Variants in WDPCP observed in about 807,000 individuals in gnomAD.
WDPCP encodes the protein WD repeat-containing and planar cell polarity effector protein fritz homolog.
Under a neutral mutation model 93.1 loss-of-function variants are expected in WDPCP, and 71 were observed. The ratio of observed to expected loss-of-function variants is 0.76; its 90% CI spans 0.63 to 0.93. The LOEUF (loss-of-function observed/expected upper bound fraction) is 0.93. WDPCP is among the 40% of genes least tolerant of loss of function. The pLI, the probability that WDPCP is intolerant of heterozygous loss-of-function variation, is 0.00. For synonymous variants in WDPCP, 315 were observed against 315.0 expected, an observed-to-expected ratio of 1.00 and a Z score of 0.00; for missense variants, 844 against 887.4, an observed-to-expected ratio of 0.95 and a Z score of 0.62.
Position 63,755,274 on chromosome 2 carries a change from C to T in WDPCP, n.308+58348G>A, listed in dbSNP as rs552079988. Among the ~76,000 whole-genome samples, 15 of 152,322 alleles carry T rather than the reference C, an allele frequency of 9.8e-5. No individual in the cohort carries two copies. In the South Asian group the frequency reaches 1.5e-3, roughly 15 times the overall value. On this transcript the variant is annotated intron_variant and non_coding_transcript_variant, in intron 2 of 4. Coordinates refer to the WDPCP transcript ENST00000467687. ...TGAGCCAAGAATCACTGACAGCCAT[C>T]TCAGAGGTGCGCTATCATCTTAGAG...
chr2:63,600,423 C>T (rs912884956), intron 3 of WDPCP, among the ~76,000 whole-genome samples: 6 of 152,178 alleles, frequency 3.9e-5, no homozygotes. Context: ...GACTCCAAAC[C>T]CTTATGTATG....
intron 2 of WDPCP, among the ~76,000 whole-genome samples, chr2:63,801,478 G>A (rs1030491076): frequency 6.6e-6 from 1 of 152,206 alleles, no homozygotes; most frequent in South Asian, 2.1e-4. Context: ...AGCTCCCACA[G>A]CATGGAAGGT....
intron 14 of WDPCP, among the ~76,000 whole-genome samples, chr2:63,233,861 G>A (rs1271945392): frequency 6.6e-6 from 1 of 152,096 alleles, no homozygotes; most frequent in East Asian, 1.9e-4. Context: ...GCCCAGCCCT[G>A]GAGCCTCTTG....
chr2:63,718,015 G>A, intron 2 of WDPCP: 1 of 152,244 alleles, frequency 6.6e-6, no homozygotes, highest in Non-Finnish European at 1.5e-5. Context: ...AGATTAAATT[G>A]TATCTGAGGC....
intron 1 of WDPCP, among the ~76,000 whole-genome samples, chr2:63,575,479 G>GTGTATACAC (rs1558833117): frequency 0.034 from 86 of 2,524 alleles, 28 homozygotes; most frequent in African/African-American, 0.096. Context: ...AGTATATACA[G>GTGTATACAC]TGTATATATA....
chr2:63,759,417 G>A (rs1443694562), intron 2 of WDPCP, among the ~76,000 whole-genome samples: 1 of 152,158 alleles, frequency 6.6e-6, no homozygotes, highest in Non-Finnish European at 1.5e-5. Flanking sequence ...CCTTCCCTGG[G>A]AAAGGGGACT....
chr2:63,320,111 A>T (rs1285439700), intron 12 of WDPCP, among the ~76,000 whole-genome samples: 1 of 152,176 alleles, frequency 6.6e-6, no homozygotes, highest in Non-Finnish European at 1.5e-5. Flanking sequence ...AAATTGATAA[A>T]CTAAACATCC....
At chr2:63,719,274 T>C (rs1394330107) in intron 2 of WDPCP, among the ~76,000 whole-genome samples, 1 of 152,130 alleles carries the variant, frequency 6.6e-6, no homozygotes, top group African/African-American at 2.4e-5. Flanking sequence ...GAATGAGTTA[T>C]AGCCATAGAG....
chr2:63,260,184 C>T (rs1387355015), intron 13 of WDPCP, among the ~76,000 whole-genome samples: 2 of 152,108 alleles, frequency 1.3e-5, no homozygotes, highest in African/African-American at 2.4e-5. Context: ...CTCTCTCTGA[C>T]AATGGCAGAT....
chr2:63,657,171 G>A (rs1710176578), intron 2 of WDPCP, among the ~76,000 whole-genome samples: 1 of 145,366 alleles, frequency 6.9e-6, no homozygotes, highest in African/African-American at 2.6e-5. Context: ...ATTGGGGAGG[G>A]TTTTGCGTAC....
chr2:63,659,678 T>C (rs1187924908), intron 2 of WDPCP, among the ~76,000 whole-genome samples: 1 of 152,198 alleles, frequency 6.6e-6, no homozygotes, highest in Non-Finnish European at 1.5e-5. Flanking sequence ...TGTGAGAGAA[T>C]GCATTTCTGT....
At chr2:63,152,838 G>A in intron 17 of WDPCP, 76 bp downstream of exon 17, 1 of 1,419,706 alleles carries the variant, frequency 7.0e-7, no homozygotes, top group Non-Finnish European at 9.9e-7. Context: ...CATTTCTTGA[G>A]TTCAAAATAA....
At chr2:63,678,460 CA>C (rs1469336463) in intron 2 of WDPCP, among the ~76,000 whole-genome samples, 1 of 152,158 alleles carries the variant, frequency 6.6e-6, no homozygotes, top group African/African-American at 2.4e-5. Context: ...CTCTAATGCA[CA>C]GGAAGACAAA....
chr2:63,238,193 A>C (rs1679567949), intron 14 of WDPCP, among the ~76,000 whole-genome samples: 1 of 152,112 alleles, frequency 6.6e-6, no homozygotes, highest in African/African-American at 2.4e-5. Flanking sequence ...TGTCTCAGAT[A>C]ATTACACCAC....
chr2:63,366,269 TAAC>T (rs1383219641), intron 12 of WDPCP, among the ~76,000 whole-genome samples: 2 of 151,672 alleles, frequency 1.3e-5, no homozygotes, highest in Non-Finnish European at 2.9e-5. Context: ...TCTTAGCTAA[TAAC>T]AATGATTTCT....
chr2:63,716,386 T>G lies in WDPCP; in HGVS notation n.309-65548A>C, dbSNP rs186123621. On this transcript the variant is annotated intron_variant and non_coding_transcript_variant, in intron 2 of 4. Coordinates refer to the WDPCP transcript ENST00000467687. ...GCTCCTCCCTACCCCAGCTAAGTTT[T>G]GCGTTCTCTGGTTTAGTTCTTTTCT... 2.0e-3 allele frequency among the ~76,000 whole-genome samples: 301 copies of G among 152,360 alleles called. 1 individual carries two copies. The highest frequency in any genetic ancestry group is 0.016 in the Admixed American group (252 of 15,306).
intron 2 of WDPCP, among the ~76,000 whole-genome samples, chr2:63,732,637 A>G (rs1379696826): frequency 6.6e-6 from 1 of 152,230 alleles, no homozygotes; most frequent in Non-Finnish European, 1.5e-5. Context: ...TATAGTAAAT[A>G]TAAAACAGAA....
chr2:63,248,952 C>T (rs1680502775), intron 14 of WDPCP, among the ~76,000 whole-genome samples: 1 of 150,690 alleles, frequency 6.6e-6, no homozygotes, highest in African/African-American at 2.4e-5. Flanking sequence ...ATATGGTTTC[C>T]TTTCACTCTT....
At chr2:63,733,932 G>T (rs963800745) in intron 2 of WDPCP, among the ~76,000 whole-genome samples, 2 of 152,006 alleles carry the variant, frequency 1.3e-5, no homozygotes, top group African/African-American at 4.8e-5. Flanking sequence ...CCAGCGTCTG[G>T]CAACCAAGAA....
Sources: gnomAD v4.1 joint callset for allele counts (sites outside exome capture counted in the v4.1 genomes callset) on GRCh38, gnomAD v4.1.1 for gene constraint, MANE v1.5 for transcripts, NCBI Gene and HGNC (gene_info 2026-07-23, HGNC 2026-07-21) for gene names.